The following REPS2 variants were observed in gnomAD, a reference collection of about 807,000 sequenced individuals.
REPS2 encodes ralBP1-associated Eps domain-containing protein 2.
Under a neutral mutation model 53.6 loss-of-function variants are expected in REPS2, and 23 were observed. That is an observed-to-expected ratio of 0.43 (90% CI 0.31 to 0.61). The LOEUF (loss-of-function observed/expected upper bound fraction) is 0.61. REPS2 is among the 20% of genes least tolerant of loss of function. The pLI is 0.11. For synonymous variants in REPS2, 238 were observed against 218.6 expected (o/e 1.09, Z -0.78); for missense variants, 446 against 534.9 (o/e 0.83, Z 1.64).
intron 14 of REPS2, among the ~76,000 whole-genome samples, chrX:17,116,364 C>T (rs1486971587): frequency 4.6e-5 from 5 of 109,569 alleles, no homozygotes; most frequent in African/African-American, 1.7e-4. Flanking sequence ...CGCATGCCAC[C>T]ACACCTGGCT....
At chrX:17,050,137 T>TTCCTTCCTTCCTTC (rs1569148159) in intron 6 of REPS2, among the ~76,000 whole-genome samples, 6 of 48,997 alleles carry the variant, frequency 1.2e-4, no homozygotes, top group Admixed American at 4.2e-4. Flanking sequence ...TTTCTTCCTT[T>TTCCTTCCTTCCTTC]CTTCCTTTCT....
At chrX:17,108,768 T>C (rs1428343343) in intron 14 of REPS2, among the ~76,000 whole-genome samples, 2 of 111,173 alleles carry the variant, frequency 1.8e-5, no homozygotes, top group African/African-American at 6.6e-5. Flanking sequence ...TTTTCCTCAC[T>C]AGCAATGTAA....
At chrX:16,951,051 A>G (rs1369464950) in intron 1 of REPS2, among the ~76,000 whole-genome samples, 4 of 112,053 alleles carry the variant, frequency 3.6e-5, no homozygotes, top group Non-Finnish European at 5.6e-5. Flanking sequence ...GTATCAAAAT[A>G]AAGTAAAATA....
At chrX:17,191,137 G>A in the REPS2 span, among the ~76,000 whole-genome samples, 1 of 111,647 alleles carries the variant, frequency 9.0e-6, no homozygotes, top group African/African-American at 3.2e-5. Flanking sequence ...AAAAATGTCT[G>A]CTCTTCAAAA....
At chrX:17,164,169 A>C in the REPS2 span, among the ~76,000 whole-genome samples, 1 of 112,048 alleles carries the variant, frequency 8.9e-6, no homozygotes, top group South Asian at 3.7e-4. Flanking sequence ...GTAAGTTACA[A>C]TACCCAGGGC....
At chrX:17,133,298 C>T (rs1162182896) in intron 14 of REPS2, among the ~76,000 whole-genome samples, 3 of 111,442 alleles carry the variant, frequency 2.7e-5, no homozygotes, top group South Asian at 3.8e-4. Flanking sequence ...ATGGTGGAGG[C>T]GACTGCAGTG....
rs1381990714 is a variant in REPS2 at position 17,100,280 on chromosome X, A to G, written c.1517-3438A>G. 5 of 556,179 alleles carry G rather than the reference A, an allele frequency of 9.0e-6. No homozygotes were observed. The African/African-American group carries it at 1.1e-4, about 13-fold the overall frequency. The allele number at this position is 556,179 out of a possible 1,213,427, so 45.8% of individuals were successfully genotyped here. A position where few individuals can be genotyped will look rare whatever the true frequency, so the allele number is the denominator to read the frequency against. On this transcript the variant is annotated intron_variant, in intron 13 of 17. Coordinates refer to ENST00000357277, the MANE Select transcript of REPS2 (RefSeq NM_004726.3). ...ATATTCCTGTTCCTCCTCTTCTAGC[A>G]CCTCCTCCACTTTCTTCTTGTTTTG...
At position 17,152,905 on chromosome X, in the gene REPS2, T is replaced by C. The variant is rs2063582677; in HGVS notation, c.*5424T>C. ...AGAGAGATAATGAGCTGATGGTCTA[T>C]TTTAACCTTGAAAGTAAAAATGTAT... On this transcript the variant is annotated 3_prime_UTR_variant, in exon 18 of 18. Transcript: ENST00000357277. 2 of 112,935 alleles carry C rather than the reference T, an allele frequency of 1.8e-5. No individual in the cohort carries two copies. Among genetic ancestry groups the C allele is most frequent in the Admixed American group, 1.9e-4 (2 of 10,679 alleles). 9.3% of individuals were successfully genotyped at this position (112,935 alleles called of 1,213,427 possible). A position where few individuals can be genotyped will look rare whatever the true frequency, so the allele number is the denominator to read the frequency against.
In REPS2 at chrX:17,061,894, G is replaced by T. The variant is rs529019819; in HGVS notation, c.1115-544G>T. 8.0e-5 allele frequency among the ~76,000 whole-genome samples: 9 copies of T among 112,384 alleles called. No individual in the cohort carries two copies. In the South Asian group the frequency reaches 1.8e-3, roughly 23 times the overall value. On this transcript the variant is annotated intron_variant, in intron 8 of 17. Coordinates refer to ENST00000357277, the MANE Select transcript of REPS2 (RefSeq NM_004726.3). ...TTTTTTCTTTGTTGTAAATCAGCAA[G>T]AATTTATGCTCTTATTTTTATCATT...
At chrX:17,099,659 T>C (rs181918470) in intron 13 of REPS2, 8 of 426,147 alleles carry the variant, frequency 1.9e-5, no homozygotes, top group Non-Finnish European at 3.3e-5. Flanking sequence ...GAAACGATAC[T>C]GGCTCTTCAA....
the REPS2 span, among the ~76,000 whole-genome samples, chrX:17,185,801 A>T: frequency 8.9e-6 from 1 of 111,772 alleles, no homozygotes; most frequent in Non-Finnish European, 1.9e-5. Context: ...ATCTGCCAAG[A>T]CTGCATTTTC....
intron 1 of REPS2, among the ~76,000 whole-genome samples, chrX:16,953,116 C>T (rs1027948414): frequency 2.0e-5 from 1 of 48,924 alleles, no homozygotes; most frequent in African/African-American, 5.6e-5. Context: ...CACACACACA[C>T]ACACACACAC....
At chrX:17,115,951 A>G (rs756352593) in intron 14 of REPS2, among the ~76,000 whole-genome samples, 204 of 111,608 alleles carry the variant, frequency 1.8e-3, no homozygotes, top group African/African-American at 6.5e-3. Flanking sequence ...CACAGTAACA[A>G]TCTGATCTCT....
chrX:16,979,494 G>C lies in REPS2; in HGVS notation c.274-26727G>C, dbSNP rs771013796. Among the ~76,000 whole-genome samples, 49 of 111,947 alleles carry C rather than the reference G, an allele frequency of 4.4e-4. No individual in the cohort carries two copies. The Middle Eastern group carries it at 0.023, about 52-fold the overall frequency. ...ATTTGCTTTCTCTTCCATAGTTAAGGCCTAGTCCAGAAAAAGTCTAGGCAG... is the reference window on the plus strand; with the variant it reads ...ATTTGCTTTCTCTTCCATAGTTAAGCCCTAGTCCAGAAAAAGTCTAGGCAG... On this transcript the variant is annotated intron_variant, in intron 1 of 17. Coordinates refer to ENST00000357277, the MANE Select transcript of REPS2 (RefSeq NM_004726.3).
At chrX:16,971,905 A>C (rs986795232) in intron 1 of REPS2, among the ~76,000 whole-genome samples, 31 of 112,314 alleles carry the variant, frequency 2.8e-4, no homozygotes, top group African/African-American at 9.7e-4. Context: ...TTTTTGAGGC[A>C]GACTTTCGCT....
At chrX:17,027,100 A>G (rs2061654919) in intron 4 of REPS2, among the ~76,000 whole-genome samples, 1 of 111,976 alleles carries the variant, frequency 8.9e-6, no homozygotes, top group Non-Finnish European at 1.9e-5. Flanking sequence ...GGCCATGCAC[A>G]TGTTTTAAAT....
At chrX:17,040,599 G>A (rs757190678) in intron 5 of REPS2, among the ~76,000 whole-genome samples, 8 of 112,127 alleles carry the variant, frequency 7.1e-5, no homozygotes, top group Non-Finnish European at 1.5e-4. Context: ...ATCGTTTCAT[G>A]TTAAAACAAA....
intron 13 of REPS2, among the ~76,000 whole-genome samples, chrX:17,097,466 T>A (rs1328601522): frequency 9.0e-6 from 1 of 111,477 alleles, no homozygotes; most frequent in Non-Finnish European, 1.9e-5. Context: ...TTGGAAAAAA[T>A]TTATAACCCT....
intron 8 of REPS2, among the ~76,000 whole-genome samples, chrX:17,058,342 A>T (rs1416026321): frequency 9.2e-6 from 1 of 108,828 alleles, no homozygotes; most frequent in Admixed American, 9.9e-5. Context: ...AGTCCTAGCT[A>T]CTAGGGAGGC....
Sources: gnomAD v4.1 joint callset for allele counts (sites outside exome capture counted in the v4.1 genomes callset) on GRCh38, gnomAD v4.1.1 for gene constraint, MANE v1.5 for transcripts, NCBI Gene and HGNC (gene_info 2026-07-23, HGNC 2026-07-21) for gene names.